Variants in EBF1 observed in about 807,000 individuals in gnomAD.
The protein encoded by EBF1 is EBF transcription factor 1.
EBF1 carries 10 observed loss-of-function variants against 68.4 expected under a neutral mutation model. That is an observed-to-expected ratio of 0.15 (90% CI 0.09 to 0.25). EBF1 has a LOEUF of 0.25. Among genes scored for constraint, EBF1 ranks in the 10% least tolerant of loss-of-function variants. EBF1 has a pLI of 1.00. For missense variants in EBF1, 509 were observed against 794.4 expected, an observed-to-expected ratio of 0.64 and a Z score of 4.32; for synonymous variants, 298 against 299.8, an observed-to-expected ratio of 0.99 and a Z score of 0.06.
At chr5:158,921,832 C>T (rs559364294) in intron 6 of EBF1, among the ~76,000 whole-genome samples, 2 of 152,318 alleles carry the variant, frequency 1.3e-5, no homozygotes, top group African/African-American at 2.4e-5. Flanking sequence ...ATGGCCAGAA[C>T]CTGGGGAAAG....
chr5:159,097,319 C>T (rs1782822621), intron 1 of EBF1, among the ~76,000 whole-genome samples, 189 bp from the exon 2 acceptor site: 1 of 152,264 alleles, frequency 6.6e-6, no homozygotes, highest in Non-Finnish European at 1.5e-5. Flanking sequence ...CCCCTCATGT[C>T]CTCGTCCTCT....
chr5:158,722,120 G>A (rs1430783781), intron 11 of EBF1, among the ~76,000 whole-genome samples: 1 of 152,150 alleles, frequency 6.6e-6, no homozygotes, highest in Non-Finnish European at 1.5e-5. Flanking sequence ...GACCAACGCT[G>A]TGGGTTAGGT....
At chr5:158,798,100 A>G (rs980885934) in intron 8 of EBF1, among the ~76,000 whole-genome samples, 3 of 152,234 alleles carry the variant, frequency 2.0e-5, no homozygotes, top group African/African-American at 7.2e-5. Flanking sequence ...TATATTTAAC[A>G]ACTACATAAA....
At chr5:158,877,660 C>G (rs1442285293) in intron 6 of EBF1, among the ~76,000 whole-genome samples, 1 of 151,764 alleles carries the variant, frequency 6.6e-6, no homozygotes, top group East Asian at 1.9e-4. Context: ...TTTTAGTGAC[C>G]CTGAGTTATG....
chr5:158,909,247 C>T (rs1303641954), intron 6 of EBF1, among the ~76,000 whole-genome samples: 1 of 152,098 alleles, frequency 6.6e-6, no homozygotes, highest in Non-Finnish European at 1.5e-5. Context: ...AACATATACT[C>T]AGGTTAGGAT....
intron 6 of EBF1, among the ~76,000 whole-genome samples, chr5:159,041,983 T>C (rs1771288895): frequency 6.6e-6 from 1 of 152,132 alleles, no homozygotes; most frequent in Middle Eastern, 3.4e-3. Flanking sequence ...GAGAAAAAAA[T>C]TAGAGAGAGT....
At chr5:158,743,876 GA>G (rs748294020) in intron 10 of EBF1, among the ~76,000 whole-genome samples, 4 of 152,102 alleles carry the variant, frequency 2.6e-5, no homozygotes, top group Admixed American at 6.6e-5. Flanking sequence ...CGAGAATAAA[GA>G]ACAGAAGCTC....
chr5:158,931,130 A>G (rs1810801151), intron 6 of EBF1, among the ~76,000 whole-genome samples: 2 of 152,234 alleles, frequency 1.3e-5, no homozygotes, highest in South Asian at 4.1e-4. Flanking sequence ...TGCTTTAGCC[A>G]ACAGTAATTA....
chr5:158,720,895 C>T (rs1761803742), intron 11 of EBF1, among the ~76,000 whole-genome samples: 2 of 152,150 alleles, frequency 1.3e-5, no homozygotes, highest in Non-Finnish European at 2.9e-5. Context: ...ATTCTAAAGA[C>T]TTCATAGTAT....
intron 8 of EBF1, among the ~76,000 whole-genome samples, chr5:158,804,125 G>T (rs1374398267): frequency 6.6e-6 from 1 of 150,700 alleles, no homozygotes; most frequent in East Asian, 2.0e-4. Context: ...ACTTCATTTG[G>T]CAAGAATGCC....
At chr5:158,843,316 G>C (rs1790705713) in intron 6 of EBF1, among the ~76,000 whole-genome samples, 1 of 152,172 alleles carries the variant, frequency 6.6e-6, no homozygotes, top group Non-Finnish European at 1.5e-5. Context: ...GGTCCATCTG[G>C]TGCCAAAATG....
At chr5:159,001,147 C>T (rs1489187145) in intron 6 of EBF1, among the ~76,000 whole-genome samples, 1 of 152,024 alleles carries the variant, frequency 6.6e-6, no homozygotes, top group Non-Finnish European at 1.5e-5. Flanking sequence ...TAAAACCATG[C>T]CATTCTTCTA....
chr5:158,926,271 G>A lies in EBF1; in HGVS notation c.555-86161C>T, dbSNP rs143129120. Among the ~76,000 whole-genome samples the A allele has an allele frequency of 4.5e-3, 691 of 152,132 alleles. 4 individuals are homozygous for A. The highest frequency in any genetic ancestry group is 0.015 in the African/African-American group (633 of 41,484). ...GGTCTACTTATAAGCAAATGATAGC[G>A]CATTTGTTATATCTTAATAAATGCA... On this transcript the variant is annotated intron_variant, in intron 6 of 15. Transcript: ENST00000313708.
chr5:158,976,719 A>AG, intron 6 of EBF1, among the ~76,000 whole-genome samples: 1 of 152,228 alleles, frequency 6.6e-6, no homozygotes. Context: ...CCATGCCAAA[A>AG]GCAAGCCAGT....
At chr5:158,990,611 A>C (rs1448181327) in intron 6 of EBF1, among the ~76,000 whole-genome samples, 1 of 152,220 alleles carries the variant, frequency 6.6e-6, no homozygotes, top group Non-Finnish European at 1.5e-5. Flanking sequence ...TCCAAGTCAG[A>C]AAGTCTTGTT....
At chr5:158,924,852 CAAAAAAAA>C (rs34744460) in intron 6 of EBF1, among the ~76,000 whole-genome samples, 3 of 50,892 alleles carry the variant, frequency 5.9e-5, no homozygotes, top group Admixed American at 2.3e-4. Context: ...GACTCTGTCT[CAAAAAAAA>C]AAAAAAAAAA....
intron 6 of EBF1, among the ~76,000 whole-genome samples, chr5:158,902,324 C>CAAGA (rs1171489074): frequency 6.6e-6 from 1 of 152,074 alleles, no homozygotes; most frequent in Non-Finnish European, 1.5e-5. Context: ...AATTACTGAG[C>CAAGA]AAGAGTATTG....
At chr5:158,894,453 T>G (rs971005211) in intron 6 of EBF1, among the ~76,000 whole-genome samples, 2 of 152,204 alleles carry the variant, frequency 1.3e-5, no homozygotes, top group African/African-American at 4.8e-5. Flanking sequence ...CTTTTCAGGT[T>G]TATTTTTCTC....
chr5:158,790,346 C>G (rs748846417), intron 9 of EBF1, among the ~76,000 whole-genome samples: 30 of 152,208 alleles, frequency 2.0e-4, no homozygotes, highest in Non-Finnish European at 3.2e-4. Flanking sequence ...CTGGTCTAAT[C>G]TGAATGATAT....
Sources: gnomAD v4.1 joint callset for allele counts (sites outside exome capture counted in the v4.1 genomes callset) on GRCh38, gnomAD v4.1.1 for gene constraint, MANE v1.5 for transcripts, NCBI Gene and HGNC (gene_info 2026-07-23, HGNC 2026-07-21) for gene names.